GATC: variants seen among roughly 807,000 people sequenced by gnomAD.
GATC encodes the protein glutamyl-tRNA(Gln) amidotransferase subunit C, mitochondrial.
In GATC, 11 loss-of-function variants were observed where a neutral mutation model predicts 14.4. The ratio of observed to expected loss-of-function variants is 0.77; its 90% confidence interval spans 0.48 to 1.27. The LOEUF is 1.27. Among genes scored for constraint, GATC ranks in the 50% most tolerant of loss-of-function variants. The pLI is 0.00. For synonymous variants in GATC, 76 were observed against 79.3 expected, an observed-to-expected ratio of 0.96 and a Z score of 0.22; for missense variants, 204 against 183.0, an observed-to-expected ratio of 1.11 and a Z score of -0.66.
At chr12:120,453,970 G>A (rs1878115294) in intron 2 of GATC, among the ~76,000 whole-genome samples, 1 of 152,116 alleles carries the variant, frequency 6.6e-6, no homozygotes, top group East Asian at 1.9e-4. Context: ...GGTATGTAAA[G>A]GGGTGAATTT....
At chr12:120,459,062 G>A (rs939934595) in intron 3 of GATC, among the ~76,000 whole-genome samples, 2 of 152,150 alleles carry the variant, frequency 1.3e-5, no homozygotes, top group East Asian at 1.9e-4. Context: ...GGGTTTCACC[G>A]TGTTAGCCAG....
In GATC at chr12:120,457,098, A is replaced by G. The variant is rs897557802; in HGVS notation, c.277A>G (p.Asn93Asp). The change falls in exon 3 of 4, where the codon AAT (asparagine) becomes GAT (aspartate). Residue 93 changes from asparagine (N) to aspartate (D), a missense_variant. Physicochemically the swap from Asn to Asp is conservative, Grantham distance 23 (BLOSUM62 1). Transcript: ENST00000551765. The part of the protein sequence containing the change: ...EDRCLYLRSD[N>D]VVEGNCADEL... ...TAGATGTCTATACCTGAGATCCGAC[A>G]ATGTGGTAGAAGGCAACTGTGCTGA... The G allele has an allele frequency of 4.3e-6, 7 of 1,613,836 alleles. No individual in the cohort carries two copies. Among genetic ancestry groups the G allele is most frequent in the Non-Finnish European group, 5.9e-6 (7 of 1,179,782 alleles).
chr12:120,455,846 C>T (rs546530702), intron 2 of GATC, among the ~76,000 whole-genome samples: 4 of 152,188 alleles, frequency 2.6e-5, no homozygotes, highest in South Asian at 4.1e-4. Context: ...CCACCACGCC[C>T]GGCTAATTTT....
At chr12:120,451,699 G>A (rs1354638507) in intron 2 of GATC, among the ~76,000 whole-genome samples, 3 of 150,416 alleles carry the variant, frequency 2.0e-5, no homozygotes, top group Admixed American at 6.7e-5. Flanking sequence ...CCGAGATCAC[G>A]TCACTGCACT....
At chr12:120,457,551 C>G (rs1266270605) in intron 3 of GATC, among the ~76,000 whole-genome samples, 2 of 150,848 alleles carry the variant, frequency 1.3e-5, no homozygotes, top group African/African-American at 4.9e-5. Flanking sequence ...TTTGTTAGGT[C>G]TAGCTTTGGG....
intron 2 of GATC, among the ~76,000 whole-genome samples, chr12:120,447,712 T>C (rs1877915856): frequency 6.6e-6 from 1 of 152,128 alleles, no homozygotes; most frequent in Non-Finnish European, 1.5e-5. Flanking sequence ...TTTATTAAAA[T>C]GTGAGCTCAT....
intron 2 of GATC, among the ~76,000 whole-genome samples, chr12:120,454,266 A>C (rs1878121943): frequency 6.6e-6 from 1 of 152,208 alleles, no homozygotes; most frequent in Non-Finnish European, 1.5e-5. Context: ...ACTGCCGTGA[A>C]TGCTGGCTCA....
At chr12:120,455,008 C>G in intron 2 of GATC, 1 of 451,566 alleles carries the variant, frequency 2.2e-6, no homozygotes, top group Non-Finnish European at 4.4e-6. Flanking sequence ...GTGCCTCAGC[C>G]TCCCAGGTAG....
chr12:120,456,815 G>T (rs745568544), intron 2 of GATC, among the ~76,000 whole-genome samples: 1 of 152,180 alleles, frequency 6.6e-6, no homozygotes, highest in Non-Finnish European at 1.5e-5. Flanking sequence ...CCAAAAGACA[G>T]TTGCCCATAT....
chr12:120,451,358 C>T (rs1213580576), intron 2 of GATC, among the ~76,000 whole-genome samples: 3 of 150,264 alleles, frequency 2.0e-5, no homozygotes, highest in East Asian at 2.0e-4. Flanking sequence ...GCAGGAGAAT[C>T]GGTTGAACCA....
intron 2 of GATC, among the ~76,000 whole-genome samples, chr12:120,452,119 C>T (rs764262617): frequency 2.6e-5 from 4 of 152,036 alleles, no homozygotes; most frequent in Admixed American, 6.6e-5. Context: ...TCAGGTCATC[C>T]GCCTGCCCTG....
intron 2 of GATC, among the ~76,000 whole-genome samples, chr12:120,451,720 C>G (rs1392025628): frequency 6.6e-6 from 1 of 151,224 alleles, no homozygotes; most frequent in Non-Finnish European, 1.5e-5. Context: ...CCAGCCTGGG[C>G]AACAGAGCAA....
In GATC at chr12:120,462,097, C is replaced by A; in HGVS notation, c.*2138C>A. 6.2e-7 allele frequency: 1 copy of A among 1,612,412 alleles called. No homozygotes were observed. The highest frequency in any genetic ancestry group is 1.1e-5 in the South Asian group (1 of 91,006). On this transcript the variant is annotated 3_prime_UTR_variant, in exon 4 of 4. Transcript: ENST00000551765. ...GAGAGTCACGGCCCCTTGACCCAGA[C>A]CGAGACCGTGAGTAGCCATAGCTGG...
At chr12:120,458,922 G>A (rs1455248841) in intron 3 of GATC, among the ~76,000 whole-genome samples, 1 of 152,132 alleles carries the variant, frequency 6.6e-6, no homozygotes, top group Admixed American at 6.5e-5. Flanking sequence ...GTGCAGTGGC[G>A]CGATCTCGGC....
intron 2 of GATC, chr12:120,455,000 G>A (rs778466777): frequency 1.1e-5 from 5 of 451,338 alleles, no homozygotes; most frequent in South Asian, 4.7e-5. Flanking sequence ...TGATTCTTGT[G>A]CCTCAGCCTC....
intron 3 of GATC, among the ~76,000 whole-genome samples, chr12:120,457,585 C>T (rs1317224333): frequency 1.3e-5 from 2 of 150,494 alleles, no homozygotes; most frequent in Admixed American, 1.3e-4. Context: ...AAAAACCAGT[C>T]CTTTCCTAAA....
chr12:120,458,497 C>T (rs987052627), intron 3 of GATC, among the ~76,000 whole-genome samples: 2 of 152,254 alleles, frequency 1.3e-5, no homozygotes, highest in African/African-American at 4.8e-5. Flanking sequence ...CATCAGTTTA[C>T]AACAGCTGGT....
chr12:120,457,904 TG>T (rs879910184), intron 3 of GATC, among the ~76,000 whole-genome samples: 2 of 149,932 alleles, frequency 1.3e-5, no homozygotes, highest in Non-Finnish European at 3.0e-5. Flanking sequence ...TTATCATGTG[TG>T]GCCTTAGCCC....
At chr12:120,450,215 G>A (rs759383466) in intron 2 of GATC, among the ~76,000 whole-genome samples, 12 of 152,214 alleles carry the variant, frequency 7.9e-5, no homozygotes, top group Non-Finnish European at 1.5e-4. Context: ...TTTGGATCCA[G>A]TAGCTAGCAT....
Sources: allele counts gnomAD v4.1 joint callset (sites outside exome capture counted in the v4.1 genomes callset), GRCh38; gene constraint gnomAD v4.1.1; transcripts MANE v1.5; gene names NCBI Gene and HGNC (gene_info 2026-07-23, HGNC 2026-07-21).